Variants in AGBL1 observed in about 807,000 individuals in gnomAD.
The protein encoded by AGBL1 is cytosolic carboxypeptidase 4.
AGBL1 carries 130 observed loss-of-function variants against 118.9 expected under a neutral mutation model. The observed-to-expected ratio is 1.09, with a 90% CI of 0.95 to 1.26. AGBL1 has a LOEUF of 1.26. Among genes scored for constraint, AGBL1 ranks in the 50% most tolerant of loss-of-function variants. AGBL1 has a pLI of 0.00. For missense variants in AGBL1, 1,584 were observed against 1,298.1 expected (o/e 1.22, Z -3.38); for synonymous variants, 555 against 478.9 (o/e 1.16, Z -2.08).
chr15:86,149,478 C>T (rs1157923229), intron 3 of AGBL1, among the ~76,000 whole-genome samples: 2 of 152,138 alleles, frequency 1.3e-5, no homozygotes, highest in Non-Finnish European at 2.9e-5. Context: ...GGTTGCAGTC[C>T]TAGTCTCCAA....
In AGBL1 at chr15:86,840,187, T is replaced by C. The variant is rs115003290; in HGVS notation, c.3159-66900T>C. The stretch of plus-strand genomic sequence containing the variant: ...CATCAAATCTTTGCGTTTGTCAACA[T>C]AGGGTACAGAATTTTGGTTGTTGTT... On this transcript the variant is annotated intron_variant, in intron 22 of 22. Transcript: ENST00000614907. Among the ~76,000 whole-genome samples the C allele has an allele frequency of 2.2e-3, 332 of 152,338 alleles. 1 individual carries two copies. Among genetic ancestry groups the C allele is most frequent in the African/African-American group, 7.6e-3 (318 of 41,582 alleles).
intron 21 of AGBL1, among the ~76,000 whole-genome samples, chr15:86,666,135 A>G (rs2085639933): frequency 6.6e-6 from 1 of 152,144 alleles, no homozygotes; most frequent in South Asian, 2.1e-4. Context: ...GCTTTGATAG[A>G]CTAATAGGAG....
chr15:86,488,804 G>A (rs2082742504), intron 18 of AGBL1, among the ~76,000 whole-genome samples: 1 of 151,934 alleles, frequency 6.6e-6, no homozygotes, highest in African/African-American at 2.4e-5. Context: ...TCTCTCACAA[G>A]CATTAAAGGG....
Position 86,967,595 on chromosome 15 carries a change from T to A in AGBL1, c.3222-20392T>A, listed in dbSNP as rs551075489. Among the ~76,000 whole-genome samples, 35 of 152,272 alleles carry A rather than the reference T, an allele frequency of 2.3e-4. 1 individual carries two copies. The South Asian group carries it at 7.0e-3, about 31-fold the overall frequency. On this transcript the variant is annotated intron_variant, in intron 23 of 24. Transcript: ENST00000441037. ...TATTAAATAGGGAATCGTTTCCCCATTTCTTCTTTTTGTCAGGTTTGTCAA... is the reference window on the plus strand; with the variant it reads ...TATTAAATAGGGAATCGTTTCCCCAATTCTTCTTTTTGTCAGGTTTGTCAA...
chr15:86,598,597 G>A (rs2084444343), intron 21 of AGBL1, among the ~76,000 whole-genome samples: 1 of 152,016 alleles, frequency 6.6e-6, no homozygotes, highest in Non-Finnish European at 1.5e-5. Context: ...GGCAGAAGTA[G>A]TGTCCTTAAT....
At chr15:86,360,969 A>G (rs2080797007) in intron 17 of AGBL1, among the ~76,000 whole-genome samples, 1 of 151,576 alleles carries the variant, frequency 6.6e-6, no homozygotes, top group South Asian at 2.1e-4. Flanking sequence ...TCTATTTTCT[A>G]TTTGATTTAT....
At chr15:86,114,480 C>A (rs1244823156) in intron 1 of AGBL1, among the ~76,000 whole-genome samples, 5 of 152,196 alleles carry the variant, frequency 3.3e-5, no homozygotes, top group African/African-American at 1.2e-4. Flanking sequence ...TTGTGAAAAA[C>A]AATAGGAACT....
chr15:86,726,187 C>T (rs763453951), intron 22 of AGBL1, among the ~76,000 whole-genome samples: 2 of 152,190 alleles, frequency 1.3e-5, no homozygotes, highest in Non-Finnish European at 2.9e-5. Flanking sequence ...TTATCAAATT[C>T]TGCTTTACCT....
At chr15:86,123,872 A>T (rs1390120985) in intron 1 of AGBL1, among the ~76,000 whole-genome samples, 1 of 151,988 alleles carries the variant, frequency 6.6e-6, no homozygotes, top group Non-Finnish European at 1.5e-5. Flanking sequence ...GCAGTGTTTG[A>T]CTCTTTTTTA....
chr15:86,951,484 T>A lies in AGBL1; in HGVS notation c.3222-36503T>A, dbSNP rs537194814. 1.7e-3 allele frequency among the ~76,000 whole-genome samples: 252 copies of A among 152,108 alleles called. 1 individual carries two copies. The highest frequency in any genetic ancestry group is 2.5e-3 in the Non-Finnish European group (170 of 68,006). On this transcript the variant is annotated intron_variant, in intron 23 of 24. Coordinates refer to the AGBL1 transcript ENST00000441037. ...ATTTTAGTAAAATAATTCAAAAAAT[T>A]CTATATAGTAACAAAGTGCAGCTGT...
intron 21 of AGBL1, among the ~76,000 whole-genome samples, chr15:86,577,471 G>C (rs946078622): frequency 6.6e-6 from 1 of 152,168 alleles, no homozygotes; most frequent in South Asian, 2.1e-4. Flanking sequence ...TGATAGAAAA[G>C]AAAATCTTAT....
At chr15:86,780,856 C>G (rs984413343) in intron 22 of AGBL1, among the ~76,000 whole-genome samples, 1 of 151,782 alleles carries the variant, frequency 6.6e-6, no homozygotes, top group Non-Finnish European at 1.5e-5. Context: ...TTAGTAGAGA[C>G]GTGGTTTCAC....
chr15:86,492,761 A>G (rs2082800373), intron 18 of AGBL1, among the ~76,000 whole-genome samples: 1 of 152,158 alleles, frequency 6.6e-6, no homozygotes, highest in Admixed American at 6.5e-5. Flanking sequence ...AGAAGGGAAG[A>G]AGAAGATCAG....
intron 17 of AGBL1, among the ~76,000 whole-genome samples, chr15:86,360,319 C>CTTTTTTT (rs570573457): frequency 1.5e-5 from 2 of 136,028 alleles, no homozygotes; most frequent in Non-Finnish European, 3.2e-5. Flanking sequence ...GGGTTTTTTC[C>CTTTTTTT]TTTTTTTTTT....
chr15:86,267,128 C>A, intron 13 of AGBL1, 52 bp downstream of exon 13: 1 of 1,298,212 alleles, frequency 7.7e-7, no homozygotes, highest in Middle Eastern at 1.8e-4. Context: ...TAAGAGCAAG[C>A]TGTGACTATC....
chr15:86,283,275 T>C (rs905205866), intron 16 of AGBL1, among the ~76,000 whole-genome samples: 7 of 152,256 alleles, frequency 4.6e-5, no homozygotes, highest in African/African-American at 1.7e-4. Flanking sequence ...GAGTTTCTGA[T>C]GAATATTTTA....
chr15:86,195,940 AG>A (rs2077794759), intron 5 of AGBL1, among the ~76,000 whole-genome samples: 1 of 152,156 alleles, frequency 6.6e-6, no homozygotes, highest in Non-Finnish European at 1.5e-5. Flanking sequence ...TCTTTTGTTG[AG>A]GATCATAAGA....
intron 21 of AGBL1, among the ~76,000 whole-genome samples, chr15:86,577,317 T>C (rs1208855236): frequency 6.6e-6 from 1 of 152,122 alleles, no homozygotes; most frequent in Non-Finnish European, 1.5e-5. Flanking sequence ...AACTTTCAAC[T>C]TGAGAGAGGT....
At chr15:86,438,887 C>T (rs1359009026) in intron 18 of AGBL1, among the ~76,000 whole-genome samples, 1 of 152,024 alleles carries the variant, frequency 6.6e-6, no homozygotes, top group Non-Finnish European at 1.5e-5. Context: ...GTCTTGAACT[C>T]CTGACCTCAA....
Sources: allele counts gnomAD v4.1 joint callset (sites outside exome capture counted in the v4.1 genomes callset), GRCh38; gene constraint gnomAD v4.1.1; transcripts MANE v1.5; gene names NCBI Gene and HGNC (gene_info 2026-07-23, HGNC 2026-07-21).